Variants in ILDR2 observed in about 807,000 individuals in gnomAD.
The protein encoded by ILDR2 is immunoglobulin like domain containing receptor 2.
A neutral mutation model predicts 66.8 loss-of-function variants in ILDR2; 25 were observed. That is an observed-to-expected ratio of 0.37 (90% CI 0.27 to 0.52). ILDR2 has a LOEUF of 0.52. ILDR2 is among the 20% of genes least tolerant of loss of function. The pLI, the probability that ILDR2 is intolerant of heterozygous loss-of-function variation, is 0.88. For synonymous variants in ILDR2, 367 were observed against 357.2 expected, an observed-to-expected ratio of 1.03 and a Z score of -0.31; for missense variants, 827 against 876.8, an observed-to-expected ratio of 0.94 and a Z score of 0.72.
At chr1:166,966,172 A>C (rs1206477734) in intron 1 of ILDR2, among the ~76,000 whole-genome samples, 1 of 152,224 alleles carries the variant, frequency 6.6e-6, no homozygotes, top group Non-Finnish European at 1.5e-5. Flanking sequence ...TTTACCAAGA[A>C]TAGTAGACAT....
chr1:166,921,306 C>T lies in ILDR2; in HGVS notation c.1285G>A (p.Glu429Lys). ...TAGGAGTCAGCGAAGGCCGCCAGCT[C>T]GTCCATGGAAACGGCCGGCACCCCC... The part of the protein sequence containing the change: ...ATGVPAVSMD[E>K]LAAFADSYGQ... Residue 429 changes from glutamate (E) to lysine (K), a missense_variant, in exon 9 of 10, where the codon GAG becomes AAG. Physicochemically the swap from Glu to Lys is moderately conservative, Grantham distance 56. This residue lies in a region of ILDR2 where 390 missense variants were observed against 353.6 expected (regional missense o/e 1.10). Transcript: ENST00000271417. This position sits in a 1 kb window ranked among gnomAD's most constrained non-coding sequence, Gnocchi z 5.3. 6.3e-7 allele frequency: 1 copy of T among 1,593,608 alleles called. No individual in the cohort carries two copies. The highest frequency in any genetic ancestry group is 1.3e-5 in the African/African-American group (1 of 74,446).
intron 3 of ILDR2, among the ~76,000 whole-genome samples, chr1:166,950,330 G>T (rs892353762): frequency 6.6e-6 from 1 of 152,278 alleles, no homozygotes; most frequent in East Asian, 1.9e-4. Flanking sequence ...GTTGCCATGG[G>T]AACTCTGGGA....
intron 6 of ILDR2, among the ~76,000 whole-genome samples, chr1:166,929,952 C>T (rs531958495): frequency 6.6e-6 from 1 of 152,166 alleles, no homozygotes; most frequent in East Asian, 1.9e-4. Context: ...GCCTACCCTA[C>T]CTGGAGCTGT....
intron 3 of ILDR2, among the ~76,000 whole-genome samples, chr1:166,945,770 G>A (rs1322819587): frequency 6.6e-6 from 1 of 152,188 alleles, no homozygotes; most frequent in Non-Finnish European, 1.5e-5. Flanking sequence ...TTATCTTTAT[G>A]ACACCACTGC....
At chr1:166,955,056 G>C (rs1023394006) in intron 3 of ILDR2, among the ~76,000 whole-genome samples, 9 of 152,186 alleles carry the variant, frequency 5.9e-5, no homozygotes, top group African/African-American at 2.2e-4. Context: ...TATTAGGGTT[G>C]TGATTAAGCA....
chr1:166,959,243 A>T (rs1334436212), intron 1 of ILDR2, among the ~76,000 whole-genome samples: 1 of 152,190 alleles, frequency 6.6e-6, no homozygotes, highest in Non-Finnish European at 1.5e-5. Flanking sequence ...TGCTATCAGT[A>T]CACCCAGCAT....
At chr1:166,923,126 G>A (rs1268535179) in intron 7 of ILDR2, among the ~76,000 whole-genome samples, 2 of 152,190 alleles carry the variant, frequency 1.3e-5, no homozygotes, top group East Asian at 3.8e-4. Context: ...CCTCCTCCTA[G>A]TACATCATCA....
intron 6 of ILDR2, among the ~76,000 whole-genome samples, chr1:166,928,930 A>G (rs1385866103): frequency 1.3e-5 from 2 of 152,314 alleles, no homozygotes; most frequent in East Asian, 3.9e-4. Flanking sequence ...AGCAGAAATA[A>G]TTTTATTTAT....
chr1:166,964,593 G>A (rs1662822331), intron 1 of ILDR2, among the ~76,000 whole-genome samples: 1 of 152,196 alleles, frequency 6.6e-6, no homozygotes, highest in Non-Finnish European at 1.5e-5. Context: ...CCAGCTCAGA[G>A]AATGGATTCT....
chr1:166,921,075 C>T lies in ILDR2; in HGVS notation c.1516G>A (p.Glu506Lys), dbSNP rs1461551502. The T allele has an allele frequency of 1.3e-6, 2 of 1,487,588 alleles. No individual in the cohort carries two copies. Among genetic ancestry groups the T allele is most frequent in the East Asian group, 2.7e-5 (1 of 36,612 alleles). 92.1% of individuals were successfully genotyped at this position (1,487,588 alleles called of 1,614,324 possible). Reference protein sequence around the residue: ...AFSPARRRPAEDAHLPRLVSR... With the variant: ...AFSPARRRPAKDAHLPRLVSR... ...ACCAGCCGCGGCAGGTGCGCGTCCT[C>T]GGCGGGTCTGCGGCGCGCGGGGCTG... The change falls in exon 9 of 10, where the codon GAG becomes AAG. Residue 506 changes from glutamate (E) to lysine (K), a missense_variant. Coordinates refer to ENST00000271417, the MANE Select transcript of ILDR2 (RefSeq NM_199351.3). The surrounding 1 kb of genome is among the most constrained non-coding windows in gnomAD (Gnocchi z 5.3).
rs866415756 is a variant in ILDR2 at position 166,919,314 on chromosome 1, C to G, written c.*41G>C. On this transcript the variant is annotated 3_prime_UTR_variant, in exon 10 of 10. Transcript: ENST00000271417. ...TAGATTTGTGTCTTGTCCCCGTAGT[C>G]CATGTCTGATTTCTCATTATCCAGA... 5.1e-6 allele frequency: 8 copies of G among 1,584,008 alleles called. No homozygotes were observed. The highest frequency in any genetic ancestry group is 6.9e-6 in the Non-Finnish European group (8 of 1,154,484).
chr1:166,974,429 G>A (rs1423566581), intron 1 of ILDR2, among the ~76,000 whole-genome samples: 2 of 152,350 alleles, frequency 1.3e-5, no homozygotes, highest in East Asian at 3.9e-4. Context: ...GACCCCAGCA[G>A]AATGGGGAGA....
rs1307508654 is a variant in ILDR2, at chr1:166,911,469, C to T, written c.*7886G>A. 1 of 152,036 alleles carries T rather than the reference C, an allele frequency of 6.6e-6. No homozygotes were observed. Among genetic ancestry groups the T allele is most frequent in the Admixed American group, 6.6e-5 (1 of 15,262 alleles). The allele number at this position is 152,036 out of a possible 1,614,324, so 9.4% of individuals were successfully genotyped here. On this transcript the variant is annotated 3_prime_UTR_variant, in exon 10 of 10. Coordinates refer to ENST00000271417, the MANE Select transcript of ILDR2 (RefSeq NM_199351.3). Reference sequence around the variant, plus strand: ...TCTTGACTGGCACAATGTAATATGGCATTGCACCACACATGAGCTTAAAAT... The same window carrying T: ...TCTTGACTGGCACAATGTAATATGGTATTGCACCACACATGAGCTTAAAAT...
In ILDR2 at chr1:166,933,457, C is replaced by T. The variant is rs912026824; in HGVS notation, c.880+1844G>A. The T allele has an allele frequency of 8.7e-6, 5 of 571,858 alleles. No homozygotes were observed. The African/African-American group carries it at 1.0e-4, about 12-fold the overall frequency. 35.4% of individuals were successfully genotyped at this position (571,858 alleles called of 1,614,324 possible). A position where few individuals can be genotyped will look rare whatever the true frequency, so the allele number is the denominator to read the frequency against. The stretch of plus-strand genomic sequence containing the variant: ...GGAACTAGGTCCTTCAGGGCTGCCA[C>T]CTGAACTGTTCTATTAACCAACCCT... On this transcript the variant is annotated intron_variant, in intron 6 of 9. Coordinates refer to ENST00000271417, the MANE Select transcript of ILDR2 (RefSeq NM_199351.3).
intron 2 of ILDR2, among the ~76,000 whole-genome samples, chr1:166,902,494 C>A (rs932310118): frequency 3.7e-4 from 56 of 152,284 alleles, no homozygotes; most frequent in African/African-American, 1.3e-3. Flanking sequence ...CAGAACATGA[C>A]AAGCTAAGTC....
chr1:166,905,134 ATCTC>A (rs1301030938), downstream of ILDR2, among the ~76,000 whole-genome samples: 2 of 152,146 alleles, frequency 1.3e-5, no homozygotes, highest in African/African-American at 2.4e-5. Flanking sequence ...GCTTCTTTTT[ATCTC>A]TCTCTCAAAA....
At chr1:166,946,255 A>T (rs1053531401) in intron 3 of ILDR2, among the ~76,000 whole-genome samples, 1 of 152,232 alleles carries the variant, frequency 6.6e-6, no homozygotes, top group African/African-American at 2.4e-5. Context: ...AATATAGTTT[A>T]TGACTATCAC....
downstream of ILDR2, among the ~76,000 whole-genome samples, chr1:166,905,736 C>G (rs1281388491): frequency 6.6e-6 from 1 of 152,192 alleles, no homozygotes; most frequent in Non-Finnish European, 1.5e-5. Flanking sequence ...CATGTCCCAG[C>G]CACAGCATCA....
chr1:166,949,669 A>G (rs1299988093), intron 3 of ILDR2, among the ~76,000 whole-genome samples: 1 of 152,032 alleles, frequency 6.6e-6, no homozygotes, highest in East Asian at 1.9e-4. Context: ...GCCCTACTCC[A>G]CTCTTCATTC....
Sources: allele counts gnomAD v4.1 joint callset (sites outside exome capture counted in the v4.1 genomes callset), GRCh38; gene constraint gnomAD v4.1.1; regional missense constraint gnomAD v4.1.1; non-coding constraint Gnocchi (gnomAD v3.1); transcripts MANE v1.5; gene names NCBI Gene and HGNC (gene_info 2026-07-23, HGNC 2026-07-21).